Variants in ABHD18 observed in about 807,000 individuals in gnomAD.
ABHD18 encodes the protein cardiolipin-specific deacylase, mitochondrial.
In ABHD18, 55 loss-of-function variants were observed where a neutral mutation model predicts 65.9. The observed-to-expected ratio is 0.84, with a 90% CI of 0.67 to 1.05. ABHD18 has a LOEUF of 1.05. ABHD18 is among the 50% of genes least tolerant of loss of function. The pLI is 0.00. For synonymous variants in ABHD18, 181 were observed against 180.2 expected, an observed-to-expected ratio of 1.00 and a Z score of -0.04; for missense variants, 533 against 558.5, an observed-to-expected ratio of 0.95 and a Z score of 0.46.
At chr4:128,018,825 C>T (rs1207580657) in intron 8 of ABHD18, among the ~76,000 whole-genome samples, 1 of 151,868 alleles carries the variant, frequency 6.6e-6, no homozygotes, top group Non-Finnish European at 1.5e-5. Context: ...ACCAGCCTGA[C>T]CAACATGGTG....
chr4:127,981,428 T>C (rs1426815918), intron 1 of ABHD18, among the ~76,000 whole-genome samples: 1 of 152,202 alleles, frequency 6.6e-6, no homozygotes. Flanking sequence ...TTTTAATTTT[T>C]AATTATTTTC....
intron 4 of ABHD18, among the ~76,000 whole-genome samples, chr4:127,993,221 C>T (rs1184901173): frequency 6.6e-6 from 1 of 152,144 alleles, no homozygotes; most frequent in Non-Finnish European, 1.5e-5. Context: ...ATAGATTCTC[C>T]ACCTTATCTG....
At chr4:127,983,085 T>C in intron 2 of ABHD18, 38 bp downstream of exon 2, 1 of 1,411,334 alleles carries the variant, frequency 7.1e-7, no homozygotes, top group Non-Finnish European at 9.8e-7. Flanking sequence ...GTTCTGAATT[T>C]GTTGTTTTAA....
chr4:128,010,782 G>T (rs1331507311), intron 6 of ABHD18, among the ~76,000 whole-genome samples: 1 of 151,816 alleles, frequency 6.6e-6, no homozygotes, highest in African/African-American at 2.4e-5. Context: ...AGGCGTGGTG[G>T]CGTGTGCCTG....
At chr4:127,998,642 G>A (rs895330865) in intron 4 of ABHD18, among the ~76,000 whole-genome samples, 2 of 151,818 alleles carry the variant, frequency 1.3e-5, no homozygotes, top group Admixed American at 1.3e-4. Context: ...AAGTAGCTGG[G>A]ACTATAGGTG....
chr4:128,006,679 A>C (rs1357959670), intron 4 of ABHD18, among the ~76,000 whole-genome samples: 1 of 152,236 alleles, frequency 6.6e-6, no homozygotes, highest in Non-Finnish European at 1.5e-5. Flanking sequence ...ACTGCTAAGG[A>C]AATTAAAATG....
intron 3 of ABHD18, among the ~76,000 whole-genome samples, chr4:127,987,503 A>C (rs1339794425): frequency 6.6e-6 from 1 of 152,092 alleles, no homozygotes; most frequent in Admixed American, 6.6e-5. Context: ...TGAGGTCAGA[A>C]GTTCGAGACC....
rs34068699 is a variant in ABHD18 at position 127,974,997 on chromosome 4, C to CAAA, written c.-17-7922_-17-7920dup. Among the ~76,000 whole-genome samples, 510 of 86,960 alleles carry CAAA rather than the reference C, an allele frequency of 5.9e-3. 13 individuals carry two copies. Among genetic ancestry groups the CAAA allele is most frequent in the African/African-American group, 0.01 (213 of 20,676 alleles). The allele number at this position is 86,960 out of a possible 152,430, so 57.0% of individuals were successfully genotyped here. ...GGCAACAAGAGCAAAAACTGTGTCT[C>CAAA]AAAAAAAAAAAAAAAAAAAAAATAG... On this transcript the variant is annotated intron_variant, in intron 1 of 12. Coordinates refer to ENST00000645843, the MANE Select transcript of ABHD18 (RefSeq NM_001358451.3).
chr4:128,031,129 A>G (rs899257066), intron 12 of ABHD18: 9 of 986,488 alleles, frequency 9.1e-6, no homozygotes, highest in African/African-American at 3.5e-5. Context: ...ACAACCTTAT[A>G]TGACTCCACT....
chr4:127,973,594 T>C (rs1181209685), intron 1 of ABHD18, among the ~76,000 whole-genome samples: 1 of 152,084 alleles, frequency 6.6e-6, no homozygotes, highest in Non-Finnish European at 1.5e-5. Flanking sequence ...GCAGAACCCA[T>C]GATTTGCTTT....
At chr4:127,995,170 TG>T (rs1223743619) in intron 4 of ABHD18, among the ~76,000 whole-genome samples, 6 of 152,224 alleles carry the variant, frequency 3.9e-5, no homozygotes, top group African/African-American at 1.4e-4. Context: ...GTGAGCCACT[TG>T]GCCCGGCCAG....
chr4:128,032,074 A>G, intron 12 of ABHD18, among the ~76,000 whole-genome samples: 1 of 152,226 alleles, frequency 6.6e-6, no homozygotes, highest in East Asian at 1.9e-4. Context: ...GAGTATAGCT[A>G]AGACGTATTA....
intron 1 of ABHD18, among the ~76,000 whole-genome samples, chr4:127,981,781 C>T (rs1749100952): frequency 6.6e-6 from 1 of 151,960 alleles, no homozygotes; most frequent in South Asian, 2.1e-4. Context: ...ATCAAAGAGC[C>T]ATTGAAGAGC....
chr4:128,036,115 T>G lies in ABHD18; in HGVS notation c.*302T>G. The G allele has an allele frequency of 5.1e-6, 1 of 194,184 alleles. No homozygotes were observed. Among genetic ancestry groups the G allele is most frequent in the Non-Finnish European group, 1.0e-5 (1 of 96,394 alleles). The allele number at this position is 194,184 out of a possible 1,614,324, so 12.0% of individuals were successfully genotyped here. A position where few individuals can be genotyped will look rare whatever the true frequency, so the allele number is the denominator to read the frequency against. On this transcript the variant is annotated 3_prime_UTR_variant, in exon 13 of 13. Coordinates refer to ENST00000645843, the MANE Select transcript of ABHD18 (RefSeq NM_001358451.3). Reference sequence around the variant, plus strand: ...AACTAAATTTTTAATCATGAATAATTTATTAAATTAAATAAATTTATTCAT... The same window carrying G: ...AACTAAATTTTTAATCATGAATAATGTATTAAATTAAATAAATTTATTCAT...
intron 3 of ABHD18, 103 bp from the exon 4 acceptor site, chr4:127,989,618 A>AAGTTTACAT: frequency 1.4e-6 from 1 of 690,038 alleles, no homozygotes; most frequent in South Asian, 2.4e-5. Context: ...AGGTGCTGAA[A>AAGTTTACAT]ACATGATTTT....
chr4:127,993,569 C>T (rs1028485108), intron 4 of ABHD18, among the ~76,000 whole-genome samples: 2 of 151,206 alleles, frequency 1.3e-5, no homozygotes, highest in Admixed American at 1.3e-4. Flanking sequence ...TTAGAAAATG[C>T]AAATAAGAAA....
At chr4:127,982,016 C>A (rs1749143472) in intron 1 of ABHD18, among the ~76,000 whole-genome samples, 1 of 151,602 alleles carries the variant, frequency 6.6e-6, no homozygotes, top group Non-Finnish European at 1.5e-5. Flanking sequence ...TACACGTAGG[C>A]AAACAGAGGA....
rs1758026682 is a variant in ABHD18 at position 128,030,376 on chromosome 4, A to T, written c.1181-134A>T. 14 of 543,714 alleles carry T rather than the reference A, an allele frequency of 2.6e-5. No individual in the cohort carries two copies. The East Asian group carries it at 4.8e-4, about 19-fold the overall frequency. 33.7% of individuals were successfully genotyped at this position (543,714 alleles called of 1,614,324 possible). On this transcript the variant is annotated intron_variant, in intron 11 of 12. Transcript: ENST00000645843. ...TATTTATCTCGTACTGGAGATGAGTAAGGTAGCATATTATAGTTGATTTTT... is the reference window on the plus strand; with the variant it reads ...TATTTATCTCGTACTGGAGATGAGTTAGGTAGCATATTATAGTTGATTTTT...
intron 3 of ABHD18, among the ~76,000 whole-genome samples, chr4:127,989,326 C>T (rs529886839): frequency 6.6e-6 from 1 of 151,738 alleles, no homozygotes; most frequent in East Asian, 1.9e-4. Flanking sequence ...TGCAAATGTA[C>T]AGTCAGATAG....
Sources: gnomAD v4.1 joint callset for allele counts (sites outside exome capture counted in the v4.1 genomes callset) on GRCh38, gnomAD v4.1.1 for gene constraint, MANE v1.5 for transcripts, NCBI Gene and HGNC (gene_info 2026-07-23, HGNC 2026-07-21) for gene names.